The following ADGRL2 variants were observed in gnomAD, a reference collection of about 807,000 sequenced individuals.
The protein encoded by ADGRL2 is adhesion G protein-coupled receptor L2.
In ADGRL2, 44 loss-of-function variants were observed where a neutral mutation model predicts 157.4. The ratio of observed to expected loss-of-function variants is 0.28; its 90% confidence interval spans 0.22 to 0.36. ADGRL2 has a LOEUF of 0.36. Ranked by LOEUF, ADGRL2 falls within the 10% of genes least tolerant of loss-of-function variation. ADGRL2 has a pLI of 1.00. For missense variants in ADGRL2, 1,510 were observed against 1,768.9 expected (o/e 0.85, Z 2.63); for synonymous variants, 585 against 624.7 (o/e 0.94, Z 0.95).
chr1:81,349,716 G>A (rs773719036), intron 1 of ADGRL2, among the ~76,000 whole-genome samples: 19 of 151,578 alleles, frequency 1.3e-4, no homozygotes, highest in Admixed American at 5.3e-4. Context: ...TCATCAGCAC[G>A]TCCATGCTTG....
chr1:81,481,894 T>C (rs184418347), intron 2 of ADGRL2, among the ~76,000 whole-genome samples: 55 of 152,330 alleles, frequency 3.6e-4, no homozygotes, highest in African/African-American at 1.3e-3. Flanking sequence ...GATCCACTTC[T>C]CATTTTTTCA....
At chr1:81,763,745 G>C (rs977011336) in intron 2 of ADGRL2, among the ~76,000 whole-genome samples, 5 of 146,134 alleles carry the variant, frequency 3.4e-5, no homozygotes. Flanking sequence ...TAGGGGCTAG[G>C]CGCAGTGGCT....
chr1:81,556,392 C>G (rs1345278570), intron 2 of ADGRL2, among the ~76,000 whole-genome samples: 2 of 133,314 alleles, frequency 1.5e-5, no homozygotes, highest in East Asian at 4.5e-4. Context: ...GATCTTGGCT[C>G]GCTGCAACCT....
intron 1 of ADGRL2, among the ~76,000 whole-genome samples, chr1:81,400,292 G>A (rs896145889): frequency 6.6e-6 from 1 of 152,028 alleles, no homozygotes; most frequent in Non-Finnish European, 1.5e-5. Flanking sequence ...TGGGGCCCGT[G>A]TCAAGACTCA....
chr1:81,848,282 G>A (rs2092870598), intron 2 of ADGRL2, among the ~76,000 whole-genome samples: 1 of 151,724 alleles, frequency 6.6e-6, no homozygotes, highest in African/African-American at 2.4e-5. Flanking sequence ...CTCCTATATA[G>A]GTACCTGAGA....
chr1:81,626,417 C>T (rs1225985016), intron 3 of ADGRL2, among the ~76,000 whole-genome samples: 2 of 152,148 alleles, frequency 1.3e-5, no homozygotes, highest in South Asian at 2.1e-4. Context: ...GCAGTCCTCC[C>T]ACCTCAGCCC....
chr1:81,639,772 T>C (rs2148796668), intron 3 of ADGRL2, among the ~76,000 whole-genome samples: 1 of 152,134 alleles, frequency 6.6e-6, no homozygotes. Flanking sequence ...TGAGACAAAC[T>C]CTTTCACTTC....
chr1:81,631,378 G>A (rs947010600), intron 3 of ADGRL2, among the ~76,000 whole-genome samples: 4 of 151,882 alleles, frequency 2.6e-5, no homozygotes, highest in South Asian at 2.1e-4. Flanking sequence ...AACCACACCC[G>A]GTTAAGTTTG....
chr1:81,383,466 T>A (rs190702154), intron 1 of ADGRL2, among the ~76,000 whole-genome samples: 31 of 152,080 alleles, frequency 2.0e-4, no homozygotes, highest in South Asian at 4.2e-4. Context: ...GATTATATAT[T>A]CCTCTTTACT....
chr1:81,655,494 A>G (rs917398249), intron 3 of ADGRL2, among the ~76,000 whole-genome samples: 1 of 152,048 alleles, frequency 6.6e-6, no homozygotes. Context: ...TTCCAGTTCC[A>G]TCTCTCCTAC....
intron 17 of ADGRL2, among the ~76,000 whole-genome samples, chr1:81,975,072 T>G (rs1659794956): frequency 6.6e-6 from 1 of 151,932 alleles, no homozygotes; most frequent in South Asian, 2.1e-4. Context: ...TATTTACCTG[T>G]ACACACACAC....
At position 81,970,489 on chromosome 1, in the gene ADGRL2, G is replaced by A. The variant is rs1164753366; in HGVS notation, c.2909G>A (p.Gly970Glu). Reference protein sequence around the residue: ...AGYLFPATVVGVSAAIDYKSY... With the variant: ...AGYLFPATVVEVSAAIDYKSY... The stretch of plus-strand genomic sequence containing the variant: ...TACTTGTTTCCTGCCACAGTGGTTG[G>A]AGTTTCAGCTGCTATTGACTATAAG... Residue 970 changes from glycine (G) to glutamate (E), a missense_variant, in exon 16 of 24, where the codon GGA (glycine) becomes GAA (glutamate). This residue lies in a region of ADGRL2 where 497 missense variants were observed against 627.2 expected (regional missense o/e 0.79). Coordinates refer to ENST00000686636, the MANE Select transcript of ADGRL2 (RefSeq NM_001366006.2). The A allele has an allele frequency of 1.3e-6, 2 of 1,582,712 alleles. No homozygotes were observed. Among genetic ancestry groups the A allele is most frequent in the East Asian group, 2.2e-5 (1 of 44,500 alleles).
intron 23 of ADGRL2, among the ~76,000 whole-genome samples, chr1:81,988,100 C>T (rs1293544342): frequency 3.9e-5 from 6 of 152,124 alleles, no homozygotes; most frequent in Non-Finnish European, 8.8e-5. Context: ...GCTGTCCATA[C>T]TTAAGTATAC....
At chr1:81,454,392 C>CATT (rs1224723498) in intron 2 of ADGRL2, among the ~76,000 whole-genome samples, 2 of 152,132 alleles carry the variant, frequency 1.3e-5, no homozygotes, top group Non-Finnish European at 2.9e-5. Context: ...CATGGTGATT[C>CATT]ATTATCTTGT....
chr1:81,465,956 TA>T (rs2078043380), intron 2 of ADGRL2, among the ~76,000 whole-genome samples: 1 of 152,162 alleles, frequency 6.6e-6, no homozygotes, highest in South Asian at 2.1e-4. Context: ...ACAGAGCAAT[TA>T]TTTCAAAAAA....
intron 2 of ADGRL2, among the ~76,000 whole-genome samples, chr1:81,904,928 AC>A (rs965535639): frequency 4.0e-5 from 6 of 151,288 alleles, no homozygotes; most frequent in Admixed American, 2.6e-4. Context: ...TAAAGGCACG[AC>A]CTCCCAGTAT....
rs968345664 is a variant in ADGRL2 at position 81,571,351 on chromosome 1, T to C, written c.-247-9525T>C. Among the ~76,000 whole-genome samples, 384 of 136,830 alleles carry C rather than the reference T, an allele frequency of 2.8e-3. 1 individual carries two copies. Among genetic ancestry groups the C allele is most frequent in the African/African-American group, 9.5e-3 (355 of 37,512 alleles). The allele number at this position is 136,830 out of a possible 152,430, so 89.8% of individuals were successfully genotyped here. A position where few individuals can be genotyped will look rare whatever the true frequency, so the allele number is the denominator to read the frequency against. ...AAACAAATACAAATATATATATACATATATATATATAATATATATTTGTAT... is the reference window on the plus strand; with the variant it reads ...AAACAAATACAAATATATATATACACATATATATATAATATATATTTGTAT... On this transcript the variant is annotated intron_variant, in intron 2 of 24. Coordinates refer to the ADGRL2 transcript ENST00000370721.
At chr1:81,452,244 T>C (rs2077715725) in intron 2 of ADGRL2, among the ~76,000 whole-genome samples, 1 of 152,228 alleles carries the variant, frequency 6.6e-6, no homozygotes, top group African/African-American at 2.4e-5. Context: ...ATGCATCTCA[T>C]TTCTTCCACC....
intron 1 of ADGRL2, among the ~76,000 whole-genome samples, chr1:81,407,978 G>A (rs562890630): frequency 2.0e-5 from 3 of 152,248 alleles, no homozygotes; most frequent in Admixed American, 1.3e-4. Context: ...TGTATTACAG[G>A]CTCACCTCAT....
Sources: allele counts gnomAD v4.1 joint callset (sites outside exome capture counted in the v4.1 genomes callset), GRCh38; gene constraint gnomAD v4.1.1; regional missense constraint gnomAD v4.1.1; transcripts MANE v1.5; gene names NCBI Gene and HGNC (gene_info 2026-07-23, HGNC 2026-07-21).